MYO6: variants seen among roughly 807,000 people sequenced by gnomAD.
MYO6 encodes the protein myosin VI.
In MYO6, 74 loss-of-function variants were observed where a neutral mutation model predicts 178.7. The ratio of observed to expected loss-of-function variants is 0.41; its 90% CI spans 0.34 to 0.50. The LOEUF is 0.50. Among genes scored for constraint, MYO6 ranks in the 20% least tolerant of loss-of-function variants. The pLI, the probability that MYO6 is intolerant of heterozygous loss-of-function variation, is 0.09. For missense variants in MYO6, 1,330 were observed against 1,547.4 expected (o/e 0.86, Z 2.36); for synonymous variants, 477 against 504.6 (o/e 0.95, Z 0.73).
rs58697772 is a variant in MYO6 at position 75,805,021 on chromosome 6, A to ATTT, written c.-47-12462_-47-12460dup. On this transcript the variant is annotated intron_variant, in intron 1 of 34. Transcript: ENST00000369977. Reference sequence around the variant, plus strand: ...CACACACATATATATATATATATATATTTTTTTTTTTTTTTTTTTTGAGAC... The same window carrying ATTT: ...CACACACATATATATATATATATATATTTTTTTTTTTTTTTTTTTTTTTGAGAC... Among the ~76,000 whole-genome samples the ATTT allele has an allele frequency of 3.4e-3, 260 of 77,286 alleles. 23 individuals are homozygous for ATTT. Among genetic ancestry groups the ATTT allele is most frequent in the African/African-American group, 0.023 (223 of 9,846 alleles). The allele number at this position is 77,286 out of a possible 152,430, so 50.7% of individuals were successfully genotyped here. A position where few individuals can be genotyped will look rare whatever the true frequency, so the allele number is the denominator to read the frequency against.
chr6:75,823,554 A>AG (rs1264909049), intron 3 of MYO6, among the ~76,000 whole-genome samples: 2 of 152,250 alleles, frequency 1.3e-5, no homozygotes, highest in Admixed American at 1.3e-4. Flanking sequence ...ACAGTTGTCA[A>AG]GGTACCTAAT....
At chr6:75,847,299 G>C (rs560349532) in intron 10 of MYO6, among the ~76,000 whole-genome samples, 1 of 152,010 alleles carries the variant, frequency 6.6e-6, no homozygotes, top group Non-Finnish European at 1.5e-5. Flanking sequence ...AAATAATTTT[G>C]TGGAAAGACA....
intron 9 of MYO6, among the ~76,000 whole-genome samples, chr6:75,843,075 A>G (rs193080352): frequency 2.6e-4 from 40 of 152,276 alleles, no homozygotes; most frequent in African/African-American, 8.9e-4. Flanking sequence ...TGCAGGCACA[A>G]CACACCCACT....
intron 3 of MYO6, among the ~76,000 whole-genome samples, chr6:75,823,992 A>G (rs1772176518): frequency 6.6e-6 from 1 of 152,252 alleles, no homozygotes; most frequent in African/African-American, 2.4e-5. Context: ...CTGATTAAAT[A>G]ATACATTTTT....
chr6:75,765,891 G>T (rs891286732), intron 1 of MYO6, among the ~76,000 whole-genome samples: 2 of 152,160 alleles, frequency 1.3e-5, no homozygotes, highest in African/African-American at 4.8e-5. Context: ...GCTGGGCGTG[G>T]TAGGTGTGTG....
intron 25 of MYO6, 97 bp downstream of exon 25, chr6:75,887,091 C>T: frequency 6.2e-6 from 7 of 1,128,814 alleles, no homozygotes; most frequent in Non-Finnish European, 9.1e-6. Context: ...CTTAGTTTTT[C>T]AAAATTACAA....
At chr6:75,793,013 A>C (rs1768404605) in intron 1 of MYO6, among the ~76,000 whole-genome samples, 1 of 151,884 alleles carries the variant, frequency 6.6e-6, no homozygotes, top group African/African-American at 2.4e-5. Flanking sequence ...GCTTGTCTTG[A>C]ACTCCTGGCC....
chr6:75,900,303 A>G (rs1779649315), intron 30 of MYO6, among the ~76,000 whole-genome samples: 1 of 152,146 alleles, frequency 6.6e-6, no homozygotes, highest in African/African-American at 2.4e-5. Flanking sequence ...TCCCTGAGGA[A>G]TTGCCACACT....
intron 1 of MYO6, among the ~76,000 whole-genome samples, chr6:75,769,607 A>G (rs541022027): frequency 3.3e-4 from 51 of 152,350 alleles, no homozygotes; most frequent in African/African-American, 1.2e-3. Context: ...GCTCTCAAGA[A>G]TAGAATTGAG....
At chr6:75,845,035 A>G (rs1188957999) in intron 10 of MYO6, 58 bp downstream of exon 10, 1 of 1,375,846 alleles carries the variant, frequency 7.3e-7, no homozygotes, top group African/African-American at 1.4e-5. Flanking sequence ...ATGCTGAAAG[A>G]TGTGTTATAA....
At position 75,895,267 on chromosome 6, in the gene MYO6, C is replaced by T; in HGVS notation, c.3137+7C>T. 6.2e-7 allele frequency: 1 copy of T among 1,603,310 alleles called. No individual in the cohort carries two copies. The highest frequency in any genetic ancestry group is 8.5e-7 in the Non-Finnish European group (1 of 1,171,048). On this transcript the variant is annotated splice_region_variant and intron_variant, in intron 29 of 34. Transcript: ENST00000369977. ...CAAGACCCAAAATGACACCGTATGT[C>T]ACTTACCTTTACCTTTTTAAAAATA... is the stretch of plus-strand genomic sequence containing the variant.
At chr6:75,805,717 T>C (rs1167768951) in intron 1 of MYO6, among the ~76,000 whole-genome samples, 1 of 152,240 alleles carries the variant, frequency 6.6e-6, no homozygotes, top group Non-Finnish European at 1.5e-5. Flanking sequence ...TTTCAGTTGA[T>C]GATGGGGAAT....
At chr6:75,759,448 G>A (rs1357479070) in intron 1 of MYO6, among the ~76,000 whole-genome samples, 1 of 152,198 alleles carries the variant, frequency 6.6e-6, no homozygotes, top group Non-Finnish European at 1.5e-5. Flanking sequence ...TTGTAGAGGA[G>A]GGCTAGAGGG....
intron 7 of MYO6, among the ~76,000 whole-genome samples, chr6:75,837,422 C>A (rs777130082): frequency 6.6e-6 from 1 of 152,030 alleles, no homozygotes; most frequent in Non-Finnish European, 1.5e-5. Context: ...TTAGAGACAG[C>A]ATCTCACTAT....
intron 24 of MYO6, among the ~76,000 whole-genome samples, 174 bp from the exon 25 acceptor site, chr6:75,886,670 T>C (rs567389862): frequency 1.3e-5 from 2 of 152,330 alleles, no homozygotes; most frequent in African/African-American, 4.8e-5. Context: ...GGCATCAGTG[T>C]CATTCACACT....
intron 11 of MYO6, among the ~76,000 whole-genome samples, chr6:75,849,492 C>G (rs1162657309): frequency 1.3e-5 from 2 of 152,136 alleles, no homozygotes; most frequent in Non-Finnish European, 2.9e-5. Flanking sequence ...ATGAGAAGGA[C>G]TTTTAAAGTA....
Position 75,820,577 on chromosome 6 carries a change from G to A in MYO6, c.118-2205G>A, listed in dbSNP as rs565035454. ...GTAGAGATGGGGTTTCATCATGTTG[G>A]CCAGGTTTTTCTCAAACTCCTGACC... On this transcript the variant is annotated intron_variant, in intron 2 of 34. Transcript: ENST00000369977. Among the ~76,000 whole-genome samples the A allele has an allele frequency of 2.1e-4, 32 of 152,158 alleles. No homozygotes were observed. The South Asian group carries it at 4.6e-3, about 22-fold the overall frequency.
At chr6:75,788,961 A>G (rs1274526290) in intron 1 of MYO6, among the ~76,000 whole-genome samples, 1 of 152,240 alleles carries the variant, frequency 6.6e-6, no homozygotes, top group Non-Finnish European at 1.5e-5. Flanking sequence ...CAAAGGCAAC[A>G]TGATATTCCT....
chr6:75,809,699 T>C (rs1373596843), intron 1 of MYO6, among the ~76,000 whole-genome samples: 2 of 151,862 alleles, frequency 1.3e-5, no homozygotes, highest in African/African-American at 4.8e-5. Flanking sequence ...GATTTTCTGA[T>C]TGGCCGTTGA....
Sources: gnomAD v4.1 joint callset for allele counts (sites outside exome capture counted in the v4.1 genomes callset) on GRCh38, gnomAD v4.1.1 for gene constraint, MANE v1.5 for transcripts, NCBI Gene and HGNC (gene_info 2026-07-23, HGNC 2026-07-21) for gene names.